The following RIPOR2 variants were observed in gnomAD, a reference collection of about 807,000 sequenced individuals.
RIPOR2 encodes the protein rho family-interacting cell polarization regulator 2.
Under a neutral mutation model 114.5 loss-of-function variants are expected in RIPOR2, and 39 were observed. That is an observed-to-expected ratio of 0.34 (90% CI 0.26 to 0.44). The LOEUF (loss-of-function observed/expected upper bound fraction) is 0.44, where lower values mean the gene tolerates loss of function less well. RIPOR2 is among the 20% of genes least tolerant of loss of function. The probability of loss-of-function intolerance (pLI) is 1.00; values close to 1 mark genes in which losing one functional copy is unlikely to be tolerated. For missense variants in RIPOR2, 1,007 were observed against 1,255.1 expected, an observed-to-expected ratio of 0.80 and a Z score of 2.99; for synonymous variants, 445 against 484.4, an observed-to-expected ratio of 0.92 and a Z score of 1.07.
intron 14 of RIPOR2, among the ~76,000 whole-genome samples, chr6:24,838,852 CTATT>C (rs1761352639): frequency 6.6e-6 from 1 of 152,080 alleles, no homozygotes. Context: ...ATTTTCCTCT[CTATT>C]TATAAAGAGG....
chr6:25,007,033 C>G (rs1775585317), intron 1 of RIPOR2, among the ~76,000 whole-genome samples: 1 of 152,140 alleles, frequency 6.6e-6, no homozygotes, highest in South Asian at 2.1e-4. Context: ...GGAGAGTTCT[C>G]CATAACCAAG....
At chr6:24,854,132 A>G (rs1324417291) in intron 8 of RIPOR2, among the ~76,000 whole-genome samples, 1 of 151,866 alleles carries the variant, frequency 6.6e-6, no homozygotes. Context: ...AAGAAAAAAA[A>G]AAAAAAAAGA....
At chr6:24,839,525 G>C (rs1286068485) in intron 13 of RIPOR2, 4 of 1,394,520 alleles carry the variant, frequency 2.9e-6, no homozygotes, top group Non-Finnish European at 3.9e-6. Flanking sequence ...TAGGAAACAA[G>C]ATTGGCCATG....
intron 1 of RIPOR2, among the ~76,000 whole-genome samples, chr6:24,892,543 T>C (rs1767467980): frequency 6.6e-6 from 1 of 152,250 alleles, no homozygotes; most frequent in South Asian, 2.1e-4. Flanking sequence ...TTTTCCATTT[T>C]TTTTCTAGTT....
At chr6:24,866,450 T>G (rs1455994828) in intron 6 of RIPOR2, among the ~76,000 whole-genome samples, 1 of 151,930 alleles carries the variant, frequency 6.6e-6, no homozygotes, top group Non-Finnish European at 1.5e-5. Context: ...CTAAACATCC[T>G]ATAATGCAGA....
intron 1 of RIPOR2, among the ~76,000 whole-genome samples, chr6:25,001,110 G>A (rs768241475): frequency 2.7e-4 from 41 of 152,036 alleles, no homozygotes; most frequent in Admixed American, 6.6e-4. Context: ...ACATATATAC[G>A]TGTAAACACA....
intron 1 of RIPOR2, among the ~76,000 whole-genome samples, chr6:25,028,692 G>A (rs537015281): frequency 6.6e-6 from 1 of 152,330 alleles, no homozygotes; most frequent in African/African-American, 2.4e-5. Flanking sequence ...AAATTGGGGG[G>A]CAGGGATAGT....
chr6:24,867,663 G>T (rs146314908), intron 6 of RIPOR2, among the ~76,000 whole-genome samples: 6 of 152,174 alleles, frequency 3.9e-5, no homozygotes, highest in Non-Finnish European at 7.4e-5. Flanking sequence ...TAGTGAGAAA[G>T]TTTATTCTTT....
chr6:24,995,297 A>G (rs537037113), intron 1 of RIPOR2, among the ~76,000 whole-genome samples: 2 of 152,264 alleles, frequency 1.3e-5, no homozygotes, highest in Non-Finnish European at 2.9e-5. Flanking sequence ...CAGCAATAGG[A>G]GCTGCTGAAG....
intron 14 of RIPOR2, 110 bp from the exon 15 acceptor site, chr6:24,835,981 C>T: frequency 1.0e-6 from 1 of 971,618 alleles, no homozygotes; most frequent in Admixed American, 2.6e-5. Flanking sequence ...AACAGTCTTT[C>T]ACTTGCCTAT....
chr6:24,925,703 A>C (rs1332315415), intron 1 of RIPOR2, among the ~76,000 whole-genome samples: 2 of 151,682 alleles, frequency 1.3e-5, no homozygotes, highest in Non-Finnish European at 2.9e-5. Flanking sequence ...TCCATCTCAA[A>C]AAAAAAAAAA....
intron 1 of RIPOR2, among the ~76,000 whole-genome samples, chr6:25,011,367 T>C (rs1775770296): frequency 6.6e-6 from 1 of 152,204 alleles, no homozygotes; most frequent in Non-Finnish European, 1.5e-5. Flanking sequence ...CAGGATCCAG[T>C]CTTCTGGTGA....
At chr6:24,949,288 C>T (rs573496605) in intron 1 of RIPOR2, among the ~76,000 whole-genome samples, 21 of 152,076 alleles carry the variant, frequency 1.4e-4, no homozygotes, top group Non-Finnish European at 2.5e-4. Context: ...AGAAAGCCGC[C>T]AGCTCTCCAA....
intron 1 of RIPOR2, among the ~76,000 whole-genome samples, chr6:25,008,433 A>G (rs1775645418): frequency 6.6e-6 from 1 of 152,198 alleles, no homozygotes; most frequent in African/African-American, 2.4e-5. Context: ...ACAGTGGCAA[A>G]GGCTGAAATG....
intron 1 of RIPOR2, among the ~76,000 whole-genome samples, chr6:24,978,536 T>C (rs1774168509): frequency 6.6e-6 from 1 of 152,140 alleles, no homozygotes; most frequent in African/African-American, 2.4e-5. Flanking sequence ...CCTCCATGTA[T>C]CTTCTCATAC....
At chr6:25,034,826 A>C (rs1777165266) in intron 1 of RIPOR2, among the ~76,000 whole-genome samples, 1 of 152,224 alleles carries the variant, frequency 6.6e-6, no homozygotes, top group African/African-American at 2.4e-5. Context: ...ACATACAAAG[A>C]GAGCACTTTC....
chr6:25,004,308 C>A (rs1408457193), intron 1 of RIPOR2, among the ~76,000 whole-genome samples: 1 of 152,130 alleles, frequency 6.6e-6, no homozygotes, highest in Non-Finnish European at 1.5e-5. Flanking sequence ...TTTAGACCAC[C>A]AAAGTCATGT....
chr6:24,963,710 T>A (rs939905790), intron 1 of RIPOR2, among the ~76,000 whole-genome samples: 1 of 151,126 alleles, frequency 6.6e-6, no homozygotes, highest in Non-Finnish European at 1.5e-5. Flanking sequence ...TTTCAGTTTT[T>A]AAAAAAGGTG....
intron 1 of RIPOR2, among the ~76,000 whole-genome samples, chr6:24,952,043 A>AT (rs2114203036): frequency 6.6e-6 from 1 of 152,338 alleles, no homozygotes; most frequent in Admixed American, 6.5e-5. Context: ...TGTAAAATTT[A>AT]TACCTCTTTT....
Sources: gnomAD v4.1 joint callset for allele counts (sites outside exome capture counted in the v4.1 genomes callset) on GRCh38, gnomAD v4.1.1 for gene constraint, MANE v1.5 for transcripts, NCBI Gene and HGNC (gene_info 2026-07-23, HGNC 2026-07-21) for gene names.